Variants in TIMMDC1 observed in about 807,000 individuals in gnomAD.
TIMMDC1 encodes translocase of inner mitochondrial membrane domain containing 1.
TIMMDC1 carries 25 observed loss-of-function variants against 32.6 expected under a neutral mutation model. The observed-to-expected ratio is 0.77, with a 90% CI of 0.56 to 1.07. TIMMDC1 has a LOEUF of 1.07. Among genes scored for constraint, TIMMDC1 ranks in the 50% least tolerant of loss-of-function variants. The probability of loss-of-function intolerance (pLI) is 0.00; values close to 1 mark genes in which losing one functional copy is unlikely to be tolerated. For missense variants in TIMMDC1, 329 were observed against 349.2 expected (o/e 0.94, Z 0.46); for synonymous variants, 130 against 127.6 (o/e 1.02, Z -0.13).
chr3:119,521,282 C>T (rs974033304), intron 6 of TIMMDC1, among the ~76,000 whole-genome samples: 5 of 152,120 alleles, frequency 3.3e-5, no homozygotes, highest in African/African-American at 7.2e-5. Flanking sequence ...AGGCCAGGCA[C>T]GGTGGCTCAC....
rs1240481451 is a variant in TIMMDC1 at position 119,507,005 on chromosome 3, A to G, written c.517+2984A>G. ...AGTTCTCCCTAGCCATTTTCTCCCT[A>G]GCCATGTTTAGTTCTATTTAGCTGT... On this transcript the variant is annotated intron_variant, in intron 4 of 6. Coordinates refer to ENST00000494664, the MANE Select transcript of TIMMDC1 (RefSeq NM_016589.4). Among the ~76,000 whole-genome samples the G allele has an allele frequency of 2.0e-5, 3 of 152,186 alleles. No individual in the cohort carries two copies. In the South Asian group the frequency reaches 6.2e-4, roughly 32 times the overall value.
rs2082055166 is a variant in TIMMDC1 at position 119,524,805 on chromosome 3, CAGAA to C, written c.*1053_*1056del. On this transcript the variant is annotated 3_prime_UTR_variant, in exon 7 of 7. Transcript: ENST00000494664. ...TGTCTTTCCAGTTCTCTGCTGATGTCAGAAAGACCCAGAAATACCAAGGAGAAAA... is the reference window on the plus strand; with the variant it reads ...TGTCTTTCCAGTTCTCTGCTGATGTCAGACCCAGAAATACCAAGGAGAAAA... 6.6e-6 allele frequency: 1 copy of C among 152,168 alleles called. No individual in the cohort carries two copies. Among genetic ancestry groups the C allele is most frequent in the African/African-American group, 2.4e-5 (1 of 41,430 alleles). The allele number at this position is 152,168 out of a possible 1,614,324, so 9.4% of individuals were successfully genotyped here.
Position 119,498,689 on chromosome 3 carries a change from T to C in TIMMDC1, c.-45T>C. ...CTCCCGCGGCACGTCCGCGAGGACT[T>C]GAAGTCCTGAGCGCTCAAGTTTGTC... is the stretch of plus-strand genomic sequence containing the variant. On this transcript the variant is annotated 5_prime_UTR_variant, in exon 1 of 7. It removes the in-frame stop codon of an upstream open reading frame in the 5' UTR. Coordinates refer to ENST00000494664, the MANE Select transcript of TIMMDC1 (RefSeq NM_016589.4). 6.3e-7 allele frequency: 1 copy of C among 1,593,382 alleles called. No individual in the cohort carries two copies. The highest frequency in any genetic ancestry group is 8.6e-7 in the Non-Finnish European group (1 of 1,164,520).
chr3:119,513,498 T>C, intron 4 of TIMMDC1, 143 bp from the exon 5 acceptor site: 1 of 622,442 alleles, frequency 1.6e-6, no homozygotes, highest in Non-Finnish European at 2.8e-6. Context: ...GCATTTTAGA[T>C]TCAGGAAGTA....
chr3:119,502,256 G>A (rs1321217475), intron 2 of TIMMDC1, among the ~76,000 whole-genome samples: 1 of 151,220 alleles, frequency 6.6e-6, no homozygotes, highest in East Asian at 1.9e-4. Flanking sequence ...TTGAGACAGG[G>A]TCTCACTCTG....
chr3:119,508,217 G>C (rs979978963), intron 4 of TIMMDC1, among the ~76,000 whole-genome samples: 5 of 152,178 alleles, frequency 3.3e-5, no homozygotes, highest in South Asian at 4.2e-4. Flanking sequence ...TCTATGATTG[G>C]CTCCCCTACA....
At chr3:119,517,407 C>T (rs1237008031) in intron 6 of TIMMDC1, 92 bp downstream of exon 6, 6 of 741,976 alleles carry the variant, frequency 8.1e-6, no homozygotes, top group Non-Finnish European at 1.4e-5. Flanking sequence ...TCTAAACTGC[C>T]ACTCAATTCA....
intron 4 of TIMMDC1, among the ~76,000 whole-genome samples, chr3:119,507,957 C>G (rs2081928716): frequency 6.6e-6 from 1 of 152,126 alleles, no homozygotes; most frequent in Non-Finnish European, 1.5e-5. Context: ...TGGGTATTTC[C>G]TTTCTCCCAC....
chr3:119,506,983 T>C (rs952965920), intron 4 of TIMMDC1, among the ~76,000 whole-genome samples: 10 of 152,178 alleles, frequency 6.6e-5, no homozygotes, highest in African/African-American at 2.4e-4. Context: ...CCTAGAGAGT[T>C]CTCCCTAGCC....
intron 2 of TIMMDC1, 70 bp from the exon 3 acceptor site, chr3:119,503,462 C>T: frequency 1.7e-6 from 2 of 1,203,396 alleles, no homozygotes; most frequent in Non-Finnish European, 2.3e-6. Flanking sequence ...TAAAATTCCT[C>T]TACCGCAGTT....
intron 4 of TIMMDC1, 66 bp downstream of exon 4, chr3:119,504,087 A>G: frequency 8.1e-7 from 1 of 1,230,954 alleles, no homozygotes; most frequent in Non-Finnish European, 1.2e-6. Context: ...GTAAGGACTT[A>G]TACATCAGAA....
In TIMMDC1 at chr3:119,505,964, C is replaced by T. The variant is rs546359671; in HGVS notation, c.517+1943C>T. On this transcript the variant is annotated intron_variant, in intron 4 of 6. Coordinates refer to ENST00000494664, the MANE Select transcript of TIMMDC1 (RefSeq NM_016589.4). ...ATGTACAGGATGTGTAAGTTTGTTA[C>T]TTAGGTAAACGCGTGTCATGGAGAT... Among the ~76,000 whole-genome samples the T allele has an allele frequency of 1.7e-4, 26 of 152,090 alleles. 1 individual carries two copies. The South Asian group carries it at 4.4e-3, about 26-fold the overall frequency.
intron 6 of TIMMDC1, among the ~76,000 whole-genome samples, chr3:119,521,341 G>A (rs2082025700): frequency 6.6e-6 from 1 of 152,130 alleles, no homozygotes; most frequent in African/African-American, 2.4e-5. Flanking sequence ...GATCACTTGA[G>A]GTCAGGAGTT....
intron 1 of TIMMDC1, 31 bp from the exon 2 acceptor site, chr3:119,500,664 C>G (rs758800721): frequency 6.3e-7 from 1 of 1,596,644 alleles, no homozygotes; most frequent in Admixed American, 1.7e-5. Context: ...ATAAACTAAT[C>G]CCAAACAACA....
intron 3 of TIMMDC1, among the ~76,000 whole-genome samples, 155 bp from the exon 4 acceptor site, chr3:119,503,799 A>G (rs1009409972): frequency 6.6e-6 from 1 of 152,058 alleles, no homozygotes; most frequent in African/African-American, 2.4e-5. Context: ...TGGTTTTACA[A>G]CCATGTCTGG....
chr3:119,514,447 A>G (rs1003284333), intron 5 of TIMMDC1, among the ~76,000 whole-genome samples: 2 of 152,204 alleles, frequency 1.3e-5, no homozygotes, highest in African/African-American at 4.8e-5. Flanking sequence ...TCATAATACA[A>G]TTATCACAGT....
intron 3 of TIMMDC1, 72 bp downstream of exon 3, chr3:119,503,692 TG>T (rs1304806234): frequency 1.6e-6 from 2 of 1,285,478 alleles, no homozygotes; most frequent in Non-Finnish European, 2.1e-6. Flanking sequence ...TTTGAGCAGG[TG>T]GGGTTATGAA....
chr3:119,517,966 A>G (rs2081997316), intron 6 of TIMMDC1, among the ~76,000 whole-genome samples: 1 of 151,790 alleles, frequency 6.6e-6, no homozygotes, highest in Non-Finnish European at 1.5e-5. Context: ...GTCTCAAAAA[A>G]GAAAAAAAGT....
In TIMMDC1 at chr3:119,503,561, C is replaced by G; in HGVS notation, c.390C>G (p.Gly130=). The change falls in exon 3 of 7, where the codon GGC becomes GGG. Residue 130 remains glycine, a synonymous_variant. Coordinates refer to ENST00000494664, the MANE Select transcript of TIMMDC1 (RefSeq NM_016589.4). Reference sequence around the variant, plus strand: ...CTGCACATCGTGCTGCCACACGAGGCTTCATTCGTTATGGCTGGCGCTGGG... The same window carrying G: ...CTGCACATCGTGCTGCCACACGAGGGTTCATTCGTTATGGCTGGCGCTGGG... ...VQSAHRAATR[G]FIRYGWRWGW... is the part of the protein sequence containing the mutation. 1 of 1,611,130 alleles carries G rather than the reference C, an allele frequency of 6.2e-7. No individual in the cohort carries two copies. Among genetic ancestry groups the G allele is most frequent in the Non-Finnish European group, 8.5e-7 (1 of 1,179,076 alleles).
Sources: allele counts gnomAD v4.1 joint callset (sites outside exome capture counted in the v4.1 genomes callset), GRCh38; gene constraint gnomAD v4.1.1; transcripts MANE v1.5; gene names NCBI Gene and HGNC (gene_info 2026-07-23, HGNC 2026-07-21).